The following PPFIBP1 variants were observed in gnomAD, a reference collection of about 807,000 sequenced individuals.
The protein encoded by PPFIBP1 is liprin-beta-1.
In PPFIBP1, 112 loss-of-function variants were observed where a neutral mutation model predicts 137.8. The observed-to-expected ratio is 0.81, with a 90% CI of 0.70 to 0.95. The LOEUF (loss-of-function observed/expected upper bound fraction) is 0.95. PPFIBP1 is among the 40% of genes least tolerant of loss of function. The probability of loss-of-function intolerance (pLI) is 0.00; values close to 1 mark genes in which losing one functional copy is unlikely to be tolerated. For synonymous variants in PPFIBP1, 378 were observed against 417.3 expected (o/e 0.91, Z 1.15); for missense variants, 1,083 against 1,196.6 (o/e 0.91, Z 1.40).
intron 2 of PPFIBP1, among the ~76,000 whole-genome samples, chr12:27,608,500 TCC>T (rs964096429): frequency 3.9e-5 from 6 of 152,096 alleles, no homozygotes; most frequent in Non-Finnish European, 8.8e-5. Context: ...TAATTCAATA[TCC>T]CACACTATTT....
rs756790123 is a variant in PPFIBP1, at chr12:27,681,604, G to A, written c.1954G>A (p.Glu652Lys). 1.2e-6 allele frequency: 2 copies of A among 1,614,166 alleles called. No homozygotes were observed. The highest frequency in any genetic ancestry group is 1.7e-6 in the Non-Finnish European group (2 of 1,180,020). Residue 652 changes from glutamate to lysine, a missense_variant, in exon 22 of 30, where the codon GAA becomes AAA. Glu to Lys is a moderately conservative substitution (Grantham distance 56, BLOSUM62 1). Coordinates refer to ENST00000228425, the MANE Select transcript of PPFIBP1 (RefSeq NM_003622.4). Reference sequence around the variant, plus strand: ...GGAGCAGGTTTGCAATTGGCTGATGGAACAGGGCTTGGGCTCGTACCTGAA... The same window carrying A: ...GGAGCAGGTTTGCAATTGGCTGATGAAACAGGGCTTGGGCTCGTACCTGAA... ...TKEQVCNWLM[E>K]QGLGSYLNSG...
intron 7 of PPFIBP1, chr12:27,654,481 CT>C (rs751823501): frequency 2.3e-5 from 8 of 346,434 alleles, no homozygotes; most frequent in Non-Finnish European, 4.0e-5. Context: ...TTATACTCAC[CT>C]TTTATTTTCA....
At chr12:27,658,703 A>G in intron 9 of PPFIBP1, 113 bp from the exon 10 acceptor site, 2 of 1,152,606 alleles carry the variant, frequency 1.7e-6, no homozygotes, top group South Asian at 1.4e-5. Flanking sequence ...AGTTTTTATG[A>G]GGTTAGATTT....
intron 11 of PPFIBP1, among the ~76,000 whole-genome samples, chr12:27,661,503 C>A (rs941691587): frequency 2.0e-5 from 3 of 152,186 alleles, no homozygotes; most frequent in Admixed American, 2.0e-4. Context: ...TTCTTGTTAT[C>A]CACATGTGAT....
intron 27 of PPFIBP1, among the ~76,000 whole-genome samples, chr12:27,691,393 T>C (rs2061533519): frequency 6.6e-6 from 1 of 151,956 alleles, no homozygotes; most frequent in African/African-American, 2.4e-5. Flanking sequence ...CTGGGCAACA[T>C]AGCAAGATTC....
intron 2 of PPFIBP1, chr12:27,594,009 C>T (rs1253221806): frequency 1.5e-6 from 2 of 1,347,470 alleles, no homozygotes; most frequent in Non-Finnish European, 1.9e-6. Flanking sequence ...CTGTCGTCCT[C>T]TATGTCGCTG....
At position 27,633,471 on chromosome 12, in the gene PPFIBP1, T is replaced by A. The variant is rs1458544712; in HGVS notation, c.64+11T>A. On this transcript the variant is annotated intron_variant, in intron 3 of 29. Coordinates refer to ENST00000228425, the MANE Select transcript of PPFIBP1 (RefSeq NM_003622.4). ...ATGGTATCATAGCAGGTGATCTGCA[T>A]CCTGTGAAAGACAGAATCACAACAT... 36 of 1,609,528 alleles carry A rather than the reference T, an allele frequency of 2.2e-5. No individual in the cohort carries two copies. The highest frequency in any genetic ancestry group is 2.9e-5 in the Non-Finnish European group (34 of 1,178,140).
At chr12:27,525,513 GAAAAAAAAAAAAAA>G (rs56656340) in intron 1 of PPFIBP1, among the ~76,000 whole-genome samples, 1 of 93,758 alleles carries the variant, frequency 1.1e-5, no homozygotes, top group South Asian at 4.3e-4. Flanking sequence ...GAGCAGGAAG[GAAAAAAAAAAAAAA>G]AAAAAAAAAG....
intron 1 of PPFIBP1, among the ~76,000 whole-genome samples, chr12:27,568,908 A>G: frequency 6.6e-6 from 1 of 152,148 alleles, no homozygotes; most frequent in Non-Finnish European, 1.5e-5. Flanking sequence ...AAATTTAATT[A>G]TGCACCCCCT....
chr12:27,577,956 C>G (rs1445539535), intron 1 of PPFIBP1, among the ~76,000 whole-genome samples, 196 bp from the exon 2 acceptor site: 1 of 152,004 alleles, frequency 6.6e-6, no homozygotes, highest in East Asian at 1.9e-4. Context: ...GGGTGGAGTG[C>G]TGGACGGGGA....
At chr12:27,586,964 G>T (rs2051833699) in intron 2 of PPFIBP1, among the ~76,000 whole-genome samples, 1 of 152,198 alleles carries the variant, frequency 6.6e-6, no homozygotes, top group Admixed American at 6.5e-5. Flanking sequence ...TTTGAAACTT[G>T]CAAAAATTTC....
intron 2 of PPFIBP1, among the ~76,000 whole-genome samples, chr12:27,628,553 G>A (rs1334563561): frequency 6.6e-6 from 1 of 152,090 alleles, no homozygotes; most frequent in Non-Finnish European, 1.5e-5. Context: ...CAGATTTCTG[G>A]GTAAGCAAAG....
intron 1 of PPFIBP1, among the ~76,000 whole-genome samples, chr12:27,564,350 C>T (rs1592498814): frequency 6.6e-6 from 1 of 152,326 alleles, no homozygotes; most frequent in East Asian, 1.9e-4. Context: ...GAAAGGGAGT[C>T]AAGTGTGTAG....
intron 12 of PPFIBP1, among the ~76,000 whole-genome samples, chr12:27,666,722 A>G (rs1284985151): frequency 2.6e-5 from 4 of 152,224 alleles, no homozygotes; most frequent in Non-Finnish European, 5.9e-5. Flanking sequence ...TTTTTTCAAG[A>G]GCACAGCAGT....
chr12:27,640,967 C>T (rs1234230697), intron 4 of PPFIBP1, among the ~76,000 whole-genome samples: 3 of 152,174 alleles, frequency 2.0e-5, no homozygotes, highest in Non-Finnish European at 2.9e-5. Flanking sequence ...AAGGAGATTT[C>T]ATGGACTGAG....
intron 4 of PPFIBP1, among the ~76,000 whole-genome samples, chr12:27,639,337 A>G (rs2057936238): frequency 6.6e-6 from 1 of 152,228 alleles, no homozygotes; most frequent in Admixed American, 6.5e-5. Flanking sequence ...TTGCTTTATG[A>G]AGCTCCAGAT....
chr12:27,588,629 G>T (rs1197134427), intron 2 of PPFIBP1, among the ~76,000 whole-genome samples: 1 of 152,120 alleles, frequency 6.6e-6, no homozygotes, highest in Non-Finnish European at 1.5e-5. Flanking sequence ...TTAAAGATTT[G>T]TACTTAAAAT....
intron 2 of PPFIBP1, among the ~76,000 whole-genome samples, chr12:27,595,181 C>T (rs1187803770): frequency 2.0e-5 from 3 of 152,244 alleles, no homozygotes; most frequent in Admixed American, 6.5e-5. Context: ...ACTTTTTAGT[C>T]CAGCTTTTTC....
At chr12:27,575,502 T>A (rs751194949) in intron 1 of PPFIBP1, among the ~76,000 whole-genome samples, 1 of 152,244 alleles carries the variant, frequency 6.6e-6, no homozygotes, top group Non-Finnish European at 1.5e-5. Flanking sequence ...ATGTGTTTTT[T>A]ATCTCAAAGA....
Sources: allele counts gnomAD v4.1 joint callset (sites outside exome capture counted in the v4.1 genomes callset), GRCh38; gene constraint gnomAD v4.1.1; transcripts MANE v1.5; gene names NCBI Gene and HGNC (gene_info 2026-07-23, HGNC 2026-07-21).